The following LOC128462377 variants were observed in gnomAD, a reference collection of about 807,000 sequenced individuals.
chr16:89,383,426 G>A, the LOC128462377 span, among the ~76,000 whole-genome samples: 1 of 152,236 alleles, frequency 6.6e-6, no homozygotes, highest in South Asian at 2.1e-4. Context: ...CTGGGAGAAT[G>A]TGAGTTCAGA....
chr16:89,379,056 G>A, the LOC128462377 span, among the ~76,000 whole-genome samples: 5 of 152,342 alleles, frequency 3.3e-5, no homozygotes, highest in East Asian at 9.7e-4. Context: ...GCTTAGAACT[G>A]AAAACTTAGG....
the LOC128462377 span, among the ~76,000 whole-genome samples, chr16:89,376,080 T>A: frequency 6.6e-6 from 1 of 152,332 alleles, no homozygotes; most frequent in East Asian, 1.9e-4. Context: ...GCTTGAAAAT[T>A]TTTTTGTGAA....
the LOC128462377 span, among the ~76,000 whole-genome samples, chr16:89,331,484 G>A: frequency 6.6e-6 from 1 of 152,204 alleles, no homozygotes; most frequent in Admixed American, 6.6e-5. Context: ...ATCTTAGTGT[G>A]TAGACCCTGT....
the LOC128462377 span, among the ~76,000 whole-genome samples, chr16:89,383,323 G>A: frequency 6.6e-6 from 1 of 152,218 alleles, no homozygotes; most frequent in Non-Finnish European, 1.5e-5. Flanking sequence ...ATGCCTGCCT[G>A]GCTGCTCTGG....
the LOC128462377 span, among the ~76,000 whole-genome samples, chr16:89,388,264 C>T: frequency 6.7e-5 from 10 of 150,312 alleles, no homozygotes; most frequent in East Asian, 2.0e-3. Flanking sequence ...GCGGGTGGTG[C>T]CGGGTGCTCT....
chr16:89,387,334 G>C, the LOC128462377 span, among the ~76,000 whole-genome samples: 1 of 152,078 alleles, frequency 6.6e-6, no homozygotes, highest in African/African-American at 2.4e-5. Flanking sequence ...CAGAGGGATA[G>C]TCAGGCCTCC....
chr16:89,405,441 G>A, the LOC128462377 span, among the ~76,000 whole-genome samples: 28 of 151,580 alleles, frequency 1.8e-4, no homozygotes, highest in African/African-American at 2.7e-4. Flanking sequence ...CTCCCACCTC[G>A]GCTTCCCCAA....
the LOC128462377 span, among the ~76,000 whole-genome samples, chr16:89,359,839 C>G: frequency 6.6e-6 from 1 of 152,156 alleles, no homozygotes; most frequent in African/African-American, 2.4e-5. Flanking sequence ...GTAAAAGCTA[C>G]AAAACCCTAA....
At chr16:89,322,262 T>A in the LOC128462377 span, among the ~76,000 whole-genome samples, 1 of 152,224 alleles carries the variant, frequency 6.6e-6, no homozygotes, top group African/African-American at 2.4e-5. Flanking sequence ...TGTGACAACA[T>A]TACCCTCCGA....
At chr16:89,336,714 T>A in the LOC128462377 span, among the ~76,000 whole-genome samples, 1 of 152,314 alleles carries the variant, frequency 6.6e-6, no homozygotes, top group South Asian at 2.1e-4. Flanking sequence ...AAGCACGCCC[T>A]ACAAGGAGTC....
the LOC128462377 span, among the ~76,000 whole-genome samples, chr16:89,337,594 G>A: frequency 1.3e-5 from 2 of 151,662 alleles, no homozygotes; most frequent in Non-Finnish European, 1.5e-5. Context: ...CTGCCACCAT[G>A]CCCAGATAAT....
At chr16:89,346,235 G>A in the LOC128462377 span, among the ~76,000 whole-genome samples, 1 of 138,322 alleles carries the variant, frequency 7.2e-6, no homozygotes, top group Admixed American at 7.6e-5. Context: ...GCGACAGAGG[G>A]AGACCCCGTC....
the LOC128462377 span, among the ~76,000 whole-genome samples, chr16:89,394,622 C>CT: frequency 4.0e-5 from 5 of 125,364 alleles, no homozygotes; most frequent in African/African-American, 9.0e-5. Flanking sequence ...AAGCAAAACT[C>CT]TGTCTCCAAA....
the LOC128462377 span, among the ~76,000 whole-genome samples, chr16:89,415,261 C>CTTTT: frequency 4.7e-5 from 4 of 84,534 alleles, no homozygotes; most frequent in South Asian, 4.2e-4. Context: ...GCCAGCTATT[C>CTTTT]TTTTTTTTTT....
the LOC128462377 span, among the ~76,000 whole-genome samples, chr16:89,319,093 TC>T: frequency 6.6e-6 from 1 of 152,176 alleles, no homozygotes; most frequent in Non-Finnish European, 1.5e-5. Flanking sequence ...TTTTAAAAAA[TC>T]CAGACTGTCT....
chr16:89,348,883 A>AC, the LOC128462377 span, among the ~76,000 whole-genome samples: 1 of 151,334 alleles, frequency 6.6e-6, no homozygotes. Context: ...TAAAAAAAAA[A>AC]AAAAAACACC....
At chr16:89,351,835 C>A in the LOC128462377 span, among the ~76,000 whole-genome samples, 1 of 152,280 alleles carries the variant, frequency 6.6e-6, no homozygotes, top group Admixed American at 6.5e-5. Context: ...TGAACAGACC[C>A]GTGAATACAC....
the LOC128462377 span, among the ~76,000 whole-genome samples, chr16:89,375,949 T>A: frequency 6.6e-6 from 1 of 152,132 alleles, no homozygotes; most frequent in Non-Finnish European, 1.5e-5. Flanking sequence ...TAAACTTGCG[T>A]GACACGCCGC....
At chr16:89,351,417 C>A in the LOC128462377 span, among the ~76,000 whole-genome samples, 3 of 152,190 alleles carry the variant, frequency 2.0e-5, no homozygotes, top group Non-Finnish European at 2.9e-5. Flanking sequence ...CACCACACAC[C>A]CTCCACTACC....
Sources: gnomAD v4.1 joint callset for allele counts (sites outside exome capture counted in the v4.1 genomes callset) on GRCh38, gnomAD v4.1.1 for gene constraint, MANE v1.5 for transcripts.